The following ALK variants were observed in gnomAD, a reference collection of about 807,000 sequenced individuals.
ALK encodes the protein ALK tyrosine kinase receptor.
ALK carries 74 observed loss-of-function variants against 163.1 expected under a neutral mutation model. That is an observed-to-expected ratio of 0.45 (90% CI 0.38 to 0.55). The LOEUF (loss-of-function observed/expected upper bound fraction) is 0.55, where lower values mean the gene tolerates loss of function less well. ALK is among the 20% of genes least tolerant of loss of function. ALK has a pLI of 0.00. For missense variants in ALK, 2,063 were observed against 2,105.3 expected, an observed-to-expected ratio of 0.98 and a Z score of 0.39; for synonymous variants, 960 against 843.2, an observed-to-expected ratio of 1.14 and a Z score of -2.40.
intron 3 of ALK, among the ~76,000 whole-genome samples, chr2:29,592,583 G>A (rs929288509): frequency 1.1e-4 from 16 of 152,180 alleles, no homozygotes; most frequent in Non-Finnish European, 2.1e-4. Flanking sequence ...TTTCATGTTG[G>A]GAGGTCAGAT....
At chr2:29,257,396 C>T (rs1374332015) in intron 11 of ALK, among the ~76,000 whole-genome samples, 1 of 151,916 alleles carries the variant, frequency 6.6e-6, no homozygotes, top group Non-Finnish European at 1.5e-5. Flanking sequence ...GTCTATTAAG[C>T]ACTGGGTTTC....
chr2:29,309,609 T>C (rs1346536623), intron 8 of ALK, among the ~76,000 whole-genome samples: 1 of 151,956 alleles, frequency 6.6e-6, no homozygotes, highest in Admixed American at 6.6e-5. Context: ...TAGCTCTAGG[T>C]GCTGGGGTAA....
intron 1 of ALK, among the ~76,000 whole-genome samples, chr2:29,719,462 G>A (rs1173162501): frequency 6.6e-6 from 1 of 152,226 alleles, no homozygotes; most frequent in Non-Finnish European, 1.5e-5. Context: ...GGGGCTCAGA[G>A]AAGTGAATGC....
intron 1 of ALK, among the ~76,000 whole-genome samples, chr2:29,918,608 C>T (rs74545623): frequency 0.012 from 1,764 of 152,252 alleles, 13 homozygotes; most frequent in Non-Finnish European, 0.018. Flanking sequence ...TGCATCCGCA[C>T]TCTGTTTTTC....
At chr2:29,662,680 C>T (rs375182552) in intron 3 of ALK, among the ~76,000 whole-genome samples, 17 of 152,002 alleles carry the variant, frequency 1.1e-4, no homozygotes, top group African/African-American at 2.4e-4. Flanking sequence ...TTGACTTCAC[C>T]GGTCCTATCT....
At chr2:29,292,359 T>G (rs745862454) in intron 9 of ALK, among the ~76,000 whole-genome samples, 3 of 152,160 alleles carry the variant, frequency 2.0e-5, no homozygotes, top group Non-Finnish European at 4.4e-5. Flanking sequence ...TGTGGGAACA[T>G]TGTGTTTAAT....
chr2:29,578,838 G>T (rs1194950745), intron 3 of ALK, among the ~76,000 whole-genome samples: 2 of 152,206 alleles, frequency 1.3e-5, no homozygotes, highest in Admixed American at 1.3e-4. Context: ...GCAGATCCCA[G>T]CCTGGGACTG....
chr2:29,443,153 C>G (rs1670588099), intron 4 of ALK, among the ~76,000 whole-genome samples: 1 of 152,220 alleles, frequency 6.6e-6, no homozygotes, highest in South Asian at 2.1e-4. Context: ...CCTCTTTCTC[C>G]TTGTTTGCCT....
intron 3 of ALK, among the ~76,000 whole-genome samples, chr2:29,582,625 C>G (rs1221781350): frequency 4.6e-5 from 7 of 152,194 alleles, no homozygotes; most frequent in African/African-American, 1.4e-4. Flanking sequence ...AGAACATTTA[C>G]CTGCACAGTC....
intron 1 of ALK, among the ~76,000 whole-genome samples, chr2:29,860,473 A>G (rs1483223255): frequency 6.6e-6 from 1 of 152,182 alleles, no homozygotes; most frequent in Non-Finnish European, 1.5e-5. Context: ...CTTGGATTAC[A>G]CAGGCAGAAA....
At chr2:29,714,112 C>G (rs1485844313) in intron 2 of ALK, among the ~76,000 whole-genome samples, 2 of 151,960 alleles carry the variant, frequency 1.3e-5, no homozygotes, top group Non-Finnish European at 2.9e-5. Flanking sequence ...AGAGCCTAAT[C>G]CTTTAGCCAA....
intron 4 of ALK, among the ~76,000 whole-genome samples, chr2:29,457,533 G>C (rs374475243): frequency 6.6e-6 from 1 of 152,114 alleles, no homozygotes; most frequent in Non-Finnish European, 1.5e-5. Context: ...CAGGAGCCCA[G>C]GTGAGGCCCT....
chr2:29,412,363 C>T (rs528970729), intron 4 of ALK, among the ~76,000 whole-genome samples: 4 of 152,174 alleles, frequency 2.6e-5, no homozygotes, highest in Non-Finnish European at 4.4e-5. Context: ...GCGCTGCATG[C>T]TTATAGATAT....
chr2:29,401,624 C>A (rs1367634558), intron 4 of ALK, among the ~76,000 whole-genome samples: 1 of 152,132 alleles, frequency 6.6e-6, no homozygotes, highest in Non-Finnish European at 1.5e-5. Flanking sequence ...GAGGAGACTC[C>A]TTTCCCAAAA....
intron 1 of ALK, among the ~76,000 whole-genome samples, chr2:29,854,410 C>G (rs142535183): frequency 1.3e-4 from 20 of 151,848 alleles, no homozygotes; most frequent in African/African-American, 4.8e-4. Context: ...GGAACCTCCC[C>G]CTCTCTCTCT....
intron 1 of ALK, among the ~76,000 whole-genome samples, chr2:29,786,269 T>C (rs1460149297): frequency 6.6e-6 from 1 of 152,128 alleles, no homozygotes. Flanking sequence ...CCGAGAAGGA[T>C]AGGAGATCCT....
intron 1 of ALK, among the ~76,000 whole-genome samples, chr2:29,887,779 G>C (rs903428382): frequency 1.3e-5 from 2 of 152,120 alleles, no homozygotes; most frequent in Admixed American, 1.3e-4. Context: ...CCAAAATTCT[G>C]TTACTGTTCC....
intron 1 of ALK, among the ~76,000 whole-genome samples, chr2:29,883,261 T>C (rs1158096157): frequency 1.3e-5 from 2 of 152,248 alleles, no homozygotes; most frequent in African/African-American, 2.4e-5. Context: ...ACCAAGCCTG[T>C]GCTAACTCCA....
intron 4 of ALK, among the ~76,000 whole-genome samples, chr2:29,421,113 T>C (rs913926618): frequency 2.6e-5 from 4 of 151,412 alleles, no homozygotes; most frequent in South Asian, 2.1e-4. Context: ...AAAGGGGAGA[T>C]TGGCTCCAAT....
Sources: gnomAD v4.1 joint callset for allele counts (sites outside exome capture counted in the v4.1 genomes callset) on GRCh38, gnomAD v4.1.1 for gene constraint, MANE v1.5 for transcripts, NCBI Gene and HGNC (gene_info 2026-07-23, HGNC 2026-07-21) for gene names.